Variants in ZNF407 observed in about 807,000 individuals in gnomAD.
ZNF407 encodes the protein zinc finger protein 407.
ZNF407 carries 17 observed loss-of-function variants against 131.2 expected under a neutral mutation model. That is an observed-to-expected ratio of 0.13 (90% CI 0.09 to 0.19). The LOEUF is 0.19. Among genes scored for constraint, ZNF407 ranks in the 10% least tolerant of loss-of-function variants. The pLI is 1.00. For missense variants in ZNF407, 2,681 were observed against 2,830.6 expected, an observed-to-expected ratio of 0.95 and a Z score of 1.20; for synonymous variants, 1,156 against 1,062.0, an observed-to-expected ratio of 1.09 and a Z score of -1.72.
chr18:75,018,925 T>C (rs1423528981), intron 8 of ZNF407, among the ~76,000 whole-genome samples: 1 of 152,126 alleles, frequency 6.6e-6, no homozygotes, highest in African/African-American at 2.4e-5. Flanking sequence ...CTTTAACTGC[T>C]CTCCATTATT....
chr18:74,659,539 G>T (rs1985621809), intron 3 of ZNF407, among the ~76,000 whole-genome samples: 1 of 152,082 alleles, frequency 6.6e-6, no homozygotes, highest in Non-Finnish European at 1.5e-5. Context: ...CCTGACAATG[G>T]TTACTGGAGC....
chr18:74,791,885 A>G (rs146328064), intron 4 of ZNF407, among the ~76,000 whole-genome samples: 1 of 152,328 alleles, frequency 6.6e-6, no homozygotes, highest in East Asian at 1.9e-4. Context: ...TTAGGATACT[A>G]AAATCTTCAT....
At chr18:75,054,492 G>T (rs1245164459) in intron 8 of ZNF407, among the ~76,000 whole-genome samples, 1 of 152,166 alleles carries the variant, frequency 6.6e-6, no homozygotes, top group Non-Finnish European at 1.5e-5. Context: ...GCCAGAAAAA[G>T]AAAAAGGAAA....
chr18:74,742,070 A>G (rs1300627201), intron 3 of ZNF407, among the ~76,000 whole-genome samples: 1 of 152,208 alleles, frequency 6.6e-6, no homozygotes, highest in Non-Finnish European at 1.5e-5. Flanking sequence ...TCATGTATTA[A>G]TATCTTTAGA....
intron 8 of ZNF407, among the ~76,000 whole-genome samples, chr18:75,006,458 A>G (rs1232825927): frequency 1.3e-5 from 2 of 152,168 alleles, no homozygotes. Context: ...GTAAGTTTTT[A>G]TATTTGAGAA....
intron 8 of ZNF407, among the ~76,000 whole-genome samples, chr18:74,929,826 C>G (rs1464156603): frequency 6.6e-6 from 1 of 152,198 alleles, no homozygotes; most frequent in African/African-American, 2.4e-5. Flanking sequence ...CATTATTACT[C>G]TTTGCAATTT....
At chr18:74,853,610 T>C (rs1970819527) in intron 4 of ZNF407, among the ~76,000 whole-genome samples, 1 of 152,226 alleles carries the variant, frequency 6.6e-6, no homozygotes, top group Non-Finnish European at 1.5e-5. Context: ...CTGTAACTCA[T>C]ATGTCCTTCA....
At chr18:74,638,505 C>T (rs1161893877) in intron 2 of ZNF407, among the ~76,000 whole-genome samples, 2 of 152,162 alleles carry the variant, frequency 1.3e-5, no homozygotes, top group Non-Finnish European at 2.9e-5. Flanking sequence ...TTGGTATTTT[C>T]TCTTTAATGC....
intron 3 of ZNF407, among the ~76,000 whole-genome samples, chr18:74,780,671 C>G (rs181588988): frequency 6.6e-6 from 1 of 152,102 alleles, no homozygotes; most frequent in Non-Finnish European, 1.5e-5. Context: ...TCCAGAGAGC[C>G]ATTTTAGTTT....
intron 1 of ZNF407, among the ~76,000 whole-genome samples, chr18:74,625,503 G>A (rs1276037506): frequency 1.3e-5 from 2 of 152,194 alleles, no homozygotes; most frequent in Non-Finnish European, 1.5e-5. Context: ...TGAAGACGTG[G>A]TAGACTGGGC....
At position 74,631,229 on chromosome 18, in the gene ZNF407, A is replaced by G. The variant is rs913664701; in HGVS notation, c.210A>G (p.Lys70=). 5.0e-6 allele frequency: 8 copies of G among 1,613,970 alleles called. No homozygotes were observed. The highest frequency in any genetic ancestry group is 5.9e-6 in the Non-Finnish European group (7 of 1,179,876). Residue 70 remains lysine (K), a synonymous_variant, in exon 2 of 9, where the codon AAA becomes AAG. Coordinates refer to ENST00000299687, the MANE Select transcript of ZNF407 (RefSeq NM_017757.3). The part of the protein sequence containing the change: ...DSVVIGEDRN[K]HASKRRKLDE... ...TTGTTATAGGAGAAGACAGAAATAAACATGCTTCCAAACGCAGGAAATTAG... is the reference window on the plus strand; with the variant it reads ...TTGTTATAGGAGAAGACAGAAATAAGCATGCTTCCAAACGCAGGAAATTAG...
chr18:74,756,734 T>A (rs1295400027), intron 3 of ZNF407, among the ~76,000 whole-genome samples: 4 of 20,812 alleles, frequency 1.9e-4, no homozygotes, highest in Non-Finnish European at 4.3e-4. Flanking sequence ...TGTGAATATG[T>A]CTTTGTAGAA....
intron 8 of ZNF407, among the ~76,000 whole-genome samples, chr18:74,996,318 T>C (rs1972779744): frequency 6.6e-6 from 1 of 152,218 alleles, no homozygotes; most frequent in Admixed American, 6.5e-5. Flanking sequence ...GTGGACAGTT[T>C]GGGGTTTCAG....
At chr18:74,771,013 A>G (rs1184808638) in intron 3 of ZNF407, among the ~76,000 whole-genome samples, 1 of 152,174 alleles carries the variant, frequency 6.6e-6, no homozygotes, top group African/African-American at 2.4e-5. Flanking sequence ...AATAATAATT[A>G]TAAAGAATTT....
chr18:74,884,988 T>A (rs1227625344), intron 6 of ZNF407, among the ~76,000 whole-genome samples: 2 of 151,906 alleles, frequency 1.3e-5, no homozygotes, highest in Non-Finnish European at 2.9e-5. Flanking sequence ...TAGCAGTGAG[T>A]TTTAATGCCA....
intron 4 of ZNF407, among the ~76,000 whole-genome samples, chr18:74,850,509 T>G (rs893718106): frequency 1.3e-5 from 2 of 152,206 alleles, no homozygotes; most frequent in Non-Finnish European, 2.9e-5. Context: ...CCCTACCTTA[T>G]GGCAGATGCA....
At chr18:74,845,042 C>T (rs1289186800) in intron 4 of ZNF407, among the ~76,000 whole-genome samples, 1 of 152,222 alleles carries the variant, frequency 6.6e-6, no homozygotes, top group Admixed American at 6.5e-5. Context: ...CCATCTGTGA[C>T]CCACATAAAG....
intron 3 of ZNF407, among the ~76,000 whole-genome samples, chr18:74,713,512 C>G (rs1028899769): frequency 6.6e-6 from 1 of 151,784 alleles, no homozygotes; most frequent in Non-Finnish European, 1.5e-5. Context: ...CTTAGATATC[C>G]TCCTTCAGGA....
At chr18:74,899,268 C>T (rs1971492186) in intron 7 of ZNF407, among the ~76,000 whole-genome samples, 1 of 152,142 alleles carries the variant, frequency 6.6e-6, no homozygotes, top group African/African-American at 2.4e-5. Context: ...ATTTAAAAGA[C>T]AATTGCAAAG....
Sources: allele counts gnomAD v4.1 joint callset (sites outside exome capture counted in the v4.1 genomes callset), GRCh38; gene constraint gnomAD v4.1.1; transcripts MANE v1.5; gene names NCBI Gene and HGNC (gene_info 2026-07-23, HGNC 2026-07-21).